Variants in KSR2 observed in about 807,000 individuals in gnomAD.
KSR2 encodes kinase suppressor of ras 2.
Under a neutral mutation model 107.8 loss-of-function variants are expected in KSR2, and 25 were observed. The observed-to-expected ratio is 0.23, with a 90% CI of 0.17 to 0.32. The LOEUF (loss-of-function observed/expected upper bound fraction) is 0.32, where lower values mean the gene tolerates loss of function less well. KSR2 is among the 10% of genes least tolerant of loss of function. The pLI is 1.00. For synonymous variants in KSR2, 480 were observed against 507.0 expected (o/e 0.95, Z 0.71); for missense variants, 887 against 1,268.9 (o/e 0.70, Z 4.57).
At chr12:117,918,290 A>C (rs1895241427) in intron 1 of KSR2, among the ~76,000 whole-genome samples, 1 of 152,132 alleles carries the variant, frequency 6.6e-6, no homozygotes, top group Admixed American at 6.5e-5. Flanking sequence ...ACATGTCTCT[A>C]ATCTGCCACT....
At chr12:117,573,530 T>TC (rs1296593802) in intron 7 of KSR2, among the ~76,000 whole-genome samples, 3 of 147,334 alleles carry the variant, frequency 2.0e-5, no homozygotes, top group African/African-American at 7.6e-5. Context: ...TTATCTTTTT[T>TC]TTTTTTTTTT....
At chr12:117,935,167 G>A (rs920136865) in intron 1 of KSR2, among the ~76,000 whole-genome samples, 19 of 151,602 alleles carry the variant, frequency 1.3e-4, no homozygotes, top group Non-Finnish European at 2.6e-4. Flanking sequence ...GTCTTGTCTT[G>A]CTCTGTTGCC....
chr12:117,860,457 G>A (rs1355779193), intron 1 of KSR2, 26 bp from the exon 2 acceptor site: 12 of 1,581,194 alleles, frequency 7.6e-6, no homozygotes, highest in African/African-American at 1.3e-5. Flanking sequence ...CGAGGACAGA[G>A]GACACATCTC....
At chr12:117,712,928 CA>C (rs2136660502) in intron 4 of KSR2, among the ~76,000 whole-genome samples, 1 of 151,848 alleles carries the variant, frequency 6.6e-6, no homozygotes, top group East Asian at 1.9e-4. Context: ...AAGCAAGATA[CA>C]GATATATCTC....
intron 1 of KSR2, among the ~76,000 whole-genome samples, chr12:117,886,362 T>C (rs1894179060): frequency 6.6e-6 from 1 of 151,952 alleles, no homozygotes; most frequent in Admixed American, 6.6e-5. Context: ...ATGCACCCCA[T>C]AATGATGTTT....
intron 9 of KSR2, among the ~76,000 whole-genome samples, chr12:117,540,666 A>G (rs994187428): frequency 6.6e-6 from 1 of 152,172 alleles, no homozygotes; most frequent in Admixed American, 6.5e-5. Flanking sequence ...AATGACAGAC[A>G]TATGGAGAGG....
intron 3 of KSR2, among the ~76,000 whole-genome samples, chr12:117,819,005 C>T (rs118056012): frequency 1.8e-4 from 27 of 152,180 alleles, no homozygotes; most frequent in Non-Finnish European, 2.9e-4. Flanking sequence ...GCTCTTATAC[C>T]CCTTTTTTCC....
At chr12:117,640,623 C>T (rs1568155) in intron 5 of KSR2, among the ~76,000 whole-genome samples, 25,029 of 152,070 alleles carry the variant, frequency 0.16, 2,116 homozygotes, top group Middle Eastern at 0.23. Flanking sequence ...GCAGGCAGTA[C>T]AGACTCATGC....
At chr12:117,798,027 G>A (rs942401473) in intron 3 of KSR2, among the ~76,000 whole-genome samples, 1 of 152,182 alleles carries the variant, frequency 6.6e-6, no homozygotes, top group Non-Finnish European at 1.5e-5. Context: ...GTGAAGTGCT[G>A]TGGGCAGCAT....
At position 117,582,369 on chromosome 12, in the gene KSR2, G is replaced by A. The variant is rs182412626; in HGVS notation, c.1172-10C>T. On this transcript the variant is annotated splice_polypyrimidine_tract_variant and intron_variant, in intron 5 of 19. Transcript: ENST00000339824. ...GGCACTGACAGTGTGTCTACAGAGA[G>A]AAGAGAACAGCCTGTTACACAGAGG... is the stretch of plus-strand genomic sequence containing the variant. 3.1e-3 allele frequency: 4,933 copies of A among 1,610,290 alleles called. 36 individuals are homozygous for A. The highest frequency in any genetic ancestry group is 2.3e-3 in the Non-Finnish European group (2,763 of 1,176,826).
chr12:117,521,057 C>T (rs769477208), intron 14 of KSR2, among the ~76,000 whole-genome samples: 2 of 152,214 alleles, frequency 1.3e-5, no homozygotes, highest in African/African-American at 2.4e-5. Flanking sequence ...GCTCCCCTTC[C>T]TCCACCAGGC....
At chr12:117,479,843 G>T (rs558009968) in intron 16 of KSR2, among the ~76,000 whole-genome samples, 1 of 152,286 alleles carries the variant, frequency 6.6e-6, no homozygotes, top group South Asian at 2.1e-4. Flanking sequence ...GAGGTTGAAG[G>T]CTCTTACTTA....
At position 117,484,461 on chromosome 12, in the gene KSR2, G is replaced by A. The variant is rs563602140; in HGVS notation, c.2405C>T (p.Thr802Met). 2.5e-6 allele frequency: 4 copies of A among 1,613,944 alleles called. No homozygotes were observed. Among genetic ancestry groups the A allele is most frequent in the African/African-American group, 1.3e-5 (1 of 75,064 alleles). ...AGAAATGCTGAAGAGTCCAAAGTCC[G>A]TGATGACCACTTTGCCGTTGTCATA... ...VFYDNGKVVI[T>M]DFGLFSISGV... The change falls in exon 16 of 20, where the codon ACG becomes ATG. Residue 802 changes from threonine (T) to methionine (M), a missense_variant. Thr to Met is a moderately conservative substitution (Grantham distance 81). Transcript: ENST00000339824.
chr12:117,577,752 G>A (rs1268379002), intron 7 of KSR2, among the ~76,000 whole-genome samples: 2 of 152,162 alleles, frequency 1.3e-5, no homozygotes, highest in African/African-American at 2.4e-5. Context: ...CAGTATGGAG[G>A]AAACCACCCC....
intron 1 of KSR2, among the ~76,000 whole-genome samples, chr12:117,873,623 G>T (rs1288688905): frequency 6.6e-6 from 1 of 151,992 alleles, no homozygotes. Context: ...ACCACACCCG[G>T]CTAATTTTTG....
chr12:117,909,886 T>G (rs1894964035), intron 1 of KSR2, among the ~76,000 whole-genome samples: 1 of 148,628 alleles, frequency 6.7e-6, no homozygotes. Context: ...GCAGCCTAGG[T>G]GACAGAGCAA....
intron 3 of KSR2, among the ~76,000 whole-genome samples, chr12:117,793,215 C>CG (rs1890343466): frequency 2.1e-5 from 3 of 143,568 alleles, no homozygotes; most frequent in African/African-American, 5.5e-5. Context: ...CATGCACACA[C>CG]CCTCACACCA....
At chr12:117,863,814 C>T (rs147840748) in intron 1 of KSR2, among the ~76,000 whole-genome samples, 2 of 152,160 alleles carry the variant, frequency 1.3e-5, no homozygotes, top group East Asian at 1.9e-4. Context: ...GATCAGAGGC[C>T]GCCCGCATCC....
chr12:117,856,220 T>C (rs1459158850), intron 2 of KSR2, among the ~76,000 whole-genome samples: 1 of 151,938 alleles, frequency 6.6e-6, no homozygotes, highest in African/African-American at 2.4e-5. Context: ...TAGCGTGGAG[T>C]GGGGGAAAGG....
Sources: allele counts gnomAD v4.1 joint callset (sites outside exome capture counted in the v4.1 genomes callset), GRCh38; gene constraint gnomAD v4.1.1; transcripts MANE v1.5; gene names NCBI Gene and HGNC (gene_info 2026-07-23, HGNC 2026-07-21).